RFX1: variants seen among roughly 807,000 people sequenced by gnomAD.
The protein encoded by RFX1 is MHC class II regulatory factor RFX1.
RFX1 carries 42 observed loss-of-function variants against 119.6 expected under a neutral mutation model. The ratio of observed to expected loss-of-function variants is 0.35; its 90% CI spans 0.27 to 0.45. The LOEUF (loss-of-function observed/expected upper bound fraction) is 0.45. Among genes scored for constraint, RFX1 ranks in the 20% least tolerant of loss-of-function variants. The pLI is 1.00. For missense variants in RFX1, 1,118 were observed against 1,368.1 expected, an observed-to-expected ratio of 0.82 and a Z score of 2.88; for synonymous variants, 628 against 618.5, an observed-to-expected ratio of 1.02 and a Z score of -0.23.
chr19:13,982,469 T>C lies in RFX1; in HGVS notation c.514-241A>G, dbSNP rs189436745. ...AAGCCAGGAAGCGGCAGAGCCGGAGTTGTTGTCAGGCCATGTGGAATGTGC... is the reference window on the plus strand; with the variant it reads ...AAGCCAGGAAGCGGCAGAGCCGGAGCTGTTGTCAGGCCATGTGGAATGTGC... On this transcript the variant is annotated intron_variant, in intron 4 of 20. Coordinates refer to ENST00000254325, the MANE Select transcript of RFX1 (RefSeq NM_002918.5). 2.6e-5 allele frequency among the ~76,000 whole-genome samples: 4 copies of C among 152,122 alleles called. No homozygotes were observed. The East Asian group carries it at 7.8e-4, about 29-fold the overall frequency.
In RFX1 at chr19:13,983,007, G is replaced by A. The variant is rs1442041986; in HGVS notation, c.513+180C>T. 9 of 581,798 alleles carry A rather than the reference G, an allele frequency of 1.5e-5. No individual in the cohort carries two copies. The Admixed American group carries it at 2.8e-4, about 18-fold the overall frequency. The allele number at this position is 581,798 out of a possible 1,614,324, so 36.0% of individuals were successfully genotyped here. A position where few individuals can be genotyped will look rare whatever the true frequency, so the allele number is the denominator to read the frequency against. On this transcript the variant is annotated intron_variant, in intron 4 of 20. Transcript: ENST00000254325. The stretch of plus-strand genomic sequence containing the variant: ...CTCCTGCAGCTCCTCTGTCCCTGAT[G>A]GCCCCTGCCGGATAGTCTCACCCTG...
At position 13,983,232 on chromosome 19, in the gene RFX1, G is replaced by A. The variant is rs1488398725; in HGVS notation, c.468C>T (p.Gly156=). ...TGGTCAGCTGGAGGGGCGACACGTG[G>A]CCTGGCTTGGCCTGCACGCTCGTCT... ...LVQTSVQAKP[G]HVSPLQLTNI... The change falls in exon 4 of 21, where the codon GGC becomes GGT. Residue 156 remains glycine, a synonymous_variant. Coordinates refer to ENST00000254325, the MANE Select transcript of RFX1 (RefSeq NM_002918.5). 3 of 1,576,058 alleles carry A rather than the reference G, an allele frequency of 1.9e-6. No individual in the cohort carries two copies. The highest frequency in any genetic ancestry group is 1.7e-6 in the Non-Finnish European group (2 of 1,165,462).
intron 2 of RFX1, among the ~76,000 whole-genome samples, chr19:13,988,022 CTCT>C: frequency 6.7e-6 from 1 of 149,072 alleles, no homozygotes; most frequent in East Asian, 2.0e-4. Context: ...TGACTTCTTG[CTCT>C]TTTTTTTTTT....
Position 13,966,838 on chromosome 19 carries a change from A to T in RFX1, c.1733-87T>A, listed in dbSNP as rs1312183174. ...TACTGACCTGTCCGTTTCCCATCAGACTGGGGTCCCCCATGTGCCGGTGAG... is the reference window on the plus strand; with the variant it reads ...TACTGACCTGTCCGTTTCCCATCAGTCTGGGGTCCCCCATGTGCCGGTGAG... On this transcript the variant is annotated intron_variant, in intron 12 of 20. Transcript: ENST00000254325. This position sits in a 1 kb window ranked among gnomAD's most constrained non-coding sequence, Gnocchi z 6.3. 3 of 895,980 alleles carry T rather than the reference A, an allele frequency of 3.3e-6. No individual in the cohort carries two copies. Among genetic ancestry groups the T allele is most frequent in the Non-Finnish European group, 1.7e-6 (1 of 587,526 alleles). The allele number at this position is 895,980 out of a possible 1,614,324, so 55.5% of individuals were successfully genotyped here. A position where few individuals can be genotyped will look rare whatever the true frequency, so the allele number is the denominator to read the frequency against.
intron 8 of RFX1, among the ~76,000 whole-genome samples, chr19:13,975,287 T>C (rs1191979435): frequency 1.3e-5 from 2 of 149,550 alleles, no homozygotes; most frequent in African/African-American, 4.9e-5. Flanking sequence ...AGAACCACCC[T>C]GAAGGTGGAG....
Position 13,982,270 on chromosome 19 carries a change from A to G in RFX1, c.514-42T>C, listed in dbSNP as rs151022980. ...AGAGGGAGGGCAGATCACTGATGACAGCCCGTGCAGTTGCACCGAGCATCT... is the reference window on the plus strand; with the variant it reads ...AGAGGGAGGGCAGATCACTGATGACGGCCCGTGCAGTTGCACCGAGCATCT... On this transcript the variant is annotated intron_variant, in intron 4 of 20. Transcript: ENST00000254325. 867 of 1,143,770 alleles carry G rather than the reference A, an allele frequency of 7.6e-4. 8 individuals are homozygous for G. In the African/African-American group the frequency reaches 0.013, roughly 17 times the overall value. 70.9% of individuals were successfully genotyped at this position (1,143,770 alleles called of 1,614,324 possible).
chr19:13,988,575 G>C (rs1171173617), intron 2 of RFX1, among the ~76,000 whole-genome samples: 1 of 152,190 alleles, frequency 6.6e-6, no homozygotes, highest in Admixed American at 6.5e-5. Context: ...GGAGCTGATG[G>C]GACATGATGG....
At position 13,990,408 on chromosome 19, in the gene RFX1, C is replaced by G. The variant is rs551292060; in HGVS notation, c.319+3117G>C. Among the ~76,000 whole-genome samples the G allele has an allele frequency of 1.7e-4, 26 of 152,038 alleles. No homozygotes were observed. Among genetic ancestry groups the G allele is most frequent in the African/African-American group, 5.8e-4 (24 of 41,478 alleles). On this transcript the variant is annotated intron_variant, in intron 2 of 20. Transcript: ENST00000254325. The surrounding 1 kb of genome is among the most constrained non-coding windows in gnomAD (Gnocchi z 4.1). ...GAGAAAATGGGGGCTTGGCTGGGCG[C>G]GGTGGCTCACACTTGTAATTCCAGC...
chr19:13,997,601 T>C (rs1975079452), intron 1 of RFX1, among the ~76,000 whole-genome samples: 1 of 152,222 alleles, frequency 6.6e-6, no homozygotes, highest in South Asian at 2.1e-4. Context: ...AGCTTTGTGC[T>C]GCTGAGGATG....
At chr19:14,006,614 C>T (rs1164832995), upstream of RFX1, 1 of 152,226 alleles carries the variant, frequency 6.6e-6, no homozygotes, top group African/African-American at 2.4e-5. Context: ...GTAAAACCGG[C>T]CTCCTGGTTC....
In RFX1 at chr19:13,962,988, G is replaced by C; in HGVS notation, c.2770+6C>G. On this transcript the variant is annotated splice_donor_region_variant and intron_variant, in intron 20 of 20. Transcript: ENST00000254325. ...CGCGCCCTGGGTGGGAACACGCCTCGCCTACCTTTGTCGGGGTCCAGGGGG... is the reference window on the plus strand; with the variant it reads ...CGCGCCCTGGGTGGGAACACGCCTCCCCTACCTTTGTCGGGGTCCAGGGGG... The C allele has an allele frequency of 6.4e-7, 1 of 1,550,518 alleles. No homozygotes were observed. The highest frequency in any genetic ancestry group is 8.7e-7 in the Non-Finnish European group (1 of 1,146,592).
intron 7 of RFX1, 143 bp downstream of exon 7, chr19:13,979,304 G>C (rs1473635254): frequency 2.0e-6 from 1 of 510,284 alleles, no homozygotes; most frequent in African/African-American, 2.0e-5. Context: ...AGCTGCCAGG[G>C]GGCCGGGAAA....
At chr19:13,975,213 C>G (rs770472762) in intron 8 of RFX1, among the ~76,000 whole-genome samples, 1 of 151,756 alleles carries the variant, frequency 6.6e-6, no homozygotes, top group Non-Finnish European at 1.5e-5. Context: ...AAAAGTTAGC[C>G]GGGTGTGGTG....
Position 13,962,486 on chromosome 19 carries a change from T to G in RFX1, c.*209A>C. The G allele has an allele frequency of 1.9e-6, 1 of 537,556 alleles. No homozygotes were observed. The highest frequency in any genetic ancestry group is 2.3e-5 in the South Asian group (1 of 43,298). 33.3% of individuals were successfully genotyped at this position (537,556 alleles called of 1,614,324 possible). ...CACGCGGCGGGTTCCTTAAGGCACG[T>G]CTTTTGTGTCAGAGTTTGCAGCTGC... On this transcript the variant is annotated 3_prime_UTR_variant, in exon 21 of 21. Coordinates refer to ENST00000254325, the MANE Select transcript of RFX1 (RefSeq NM_002918.5).
intron 7 of RFX1, 104 bp from the exon 8 acceptor site, chr19:13,978,190 C>T (rs1974311000): frequency 1.3e-6 from 1 of 787,614 alleles, no homozygotes; most frequent in Non-Finnish European, 2.1e-6. Context: ...ACGCCCAGCT[C>T]CCGGACCCAA....
At position 13,973,023 on chromosome 19, in the gene RFX1, G is replaced by A. The variant is rs1259848409; in HGVS notation, c.1034C>T (p.Ala345Val). 6.2e-7 allele frequency: 1 copy of A among 1,601,328 alleles called. No homozygotes were observed. The highest frequency in any genetic ancestry group is 8.5e-7 in the Non-Finnish European group (1 of 1,179,818). Residue 345 changes from alanine (A) to valine (V), a missense_variant, in exon 9 of 21, where the codon GCC (alanine) becomes GTC (valine). Around this residue, in one of 5 missense-constraint regions of RFX1, gnomAD observed 542 missense variants for 602.7 expected, o/e 0.90. Coordinates refer to ENST00000254325, the MANE Select transcript of RFX1 (RefSeq NM_002918.5). ...AGTATQVSTPATSQAVASSGS... is the reference protein window; with the variant it reads ...AGTATQVSTPVTSQAVASSGS... ...ACTGCTGGCCACCGCCTGGGAGGTG[G>A]CGGGGGTGCTGACCTGGGTGGCCGT...
rs1453068863 is a variant in RFX1 at position 13,961,531 on chromosome 19, A to C, written c.*1164T>G. 1 of 164,730 alleles carries C rather than the reference A, an allele frequency of 6.1e-6. No individual in the cohort carries two copies. Among genetic ancestry groups the C allele is most frequent in the East Asian group, 1.7e-4 (1 of 6,056 alleles). 10.2% of individuals were successfully genotyped at this position (164,730 alleles called of 1,614,324 possible). On this transcript the variant is annotated 3_prime_UTR_variant, in exon 21 of 21. Transcript: ENST00000254325. ...CACCAAGGCCCGGCGAGTCAGCAGT[A>C]GGCAAATATCACAGCGGAATTTATT...
In RFX1 at chr19:13,966,406, C is replaced by G; in HGVS notation, c.1961+15G>C. 1 of 1,560,920 alleles carries G rather than the reference C, an allele frequency of 6.4e-7. No individual in the cohort carries two copies. The highest frequency in any genetic ancestry group is 2.2e-5 in the East Asian group (1 of 44,614). On this transcript the variant is annotated intron_variant, in intron 14 of 20. Coordinates refer to ENST00000254325, the MANE Select transcript of RFX1 (RefSeq NM_002918.5). The surrounding 1 kb of genome is among the most constrained non-coding windows in gnomAD (Gnocchi z 6.3). ...CTCCCCCCTCTCCCTCCCACAGTCG[C>G]CGGGCAGTACTCACACAGCCAGCGG...
chr19:13,968,475 A>G lies in RFX1; in HGVS notation c.1732+90T>C. ...TCTCTCACCAAGCCCTCCCCAGCTC[A>G]GAGGCTGCCTGCCGCCATCCAGCTT... On this transcript the variant is annotated intron_variant, in intron 12 of 20. Transcript: ENST00000254325. The surrounding 1 kb of genome is among the most constrained non-coding windows in gnomAD (Gnocchi z 5.5). 2.8e-6 allele frequency: 3 copies of G among 1,061,904 alleles called. No individual in the cohort carries two copies. In the South Asian group the frequency reaches 4.0e-5, roughly 14 times the overall value. The allele number at this position is 1,061,904 out of a possible 1,614,324, so 65.8% of individuals were successfully genotyped here. A position where few individuals can be genotyped will look rare whatever the true frequency, so the allele number is the denominator to read the frequency against.
Sources: gnomAD v4.1 joint callset for allele counts (sites outside exome capture counted in the v4.1 genomes callset) on GRCh38, gnomAD v4.1.1 for gene constraint, gnomAD v4.1.1 regional missense constraint, Gnocchi (gnomAD v3.1) non-coding constraint, MANE v1.5 for transcripts, NCBI Gene and HGNC (gene_info 2026-07-23, HGNC 2026-07-21) for gene names.